AFAP1L2: variants seen among roughly 807,000 people sequenced by gnomAD.
AFAP1L2 encodes actin filament-associated protein 1-like 2.
In AFAP1L2, 46 loss-of-function variants were observed where a neutral mutation model predicts 99.3. The observed-to-expected ratio is 0.46, with a 90% CI of 0.37 to 0.59. The LOEUF (loss-of-function observed/expected upper bound fraction) is 0.59, where lower values mean the gene tolerates loss of function less well. AFAP1L2 is among the 20% of genes least tolerant of loss of function. The pLI is 0.00. For synonymous variants in AFAP1L2, 397 were observed against 419.1 expected (o/e 0.95, Z 0.64); for missense variants, 959 against 1,034.9 (o/e 0.93, Z 1.01).
At chr10:114,335,137 G>A (rs1420743918) in intron 2 of AFAP1L2, among the ~76,000 whole-genome samples, 2 of 152,188 alleles carry the variant, frequency 1.3e-5, no homozygotes, top group Non-Finnish European at 2.9e-5. Flanking sequence ...TTACTGAAGA[G>A]GGTATAAATT....
At chr10:114,383,382 G>A (rs2055989311) in intron 1 of AFAP1L2, among the ~76,000 whole-genome samples, 4 of 152,058 alleles carry the variant, frequency 2.6e-5, no homozygotes, top group Admixed American at 2.0e-4. Flanking sequence ...GAAGGGTGAA[G>A]GGAGGGAAGG....
rs1384975643 is a variant in AFAP1L2, at chr10:114,377,308, A to G, written c.16+27132T>C. 6.6e-6 allele frequency among the ~76,000 whole-genome samples: 1 copy of G among 152,234 alleles called. No individual in the cohort carries two copies. Among genetic ancestry groups the G allele is most frequent in the African/African-American group, 2.4e-5 (1 of 41,468 alleles). Reference sequence around the variant, plus strand: ...GAAATATTCTGCCTTAAAACCCTTCAGAGAGGCCAGTTCCAAGGCAAGAAT... The same window carrying G: ...GAAATATTCTGCCTTAAAACCCTTCGGAGAGGCCAGTTCCAAGGCAAGAAT... On this transcript the variant is annotated intron_variant, in intron 1 of 18. Transcript: ENST00000304129. This position sits in a 1 kb window ranked among gnomAD's most constrained non-coding sequence, Gnocchi z 4.0.
chr10:114,297,086 T>C lies in AFAP1L2; in HGVS notation c.2322A>G (p.Thr774=). The C allele has an allele frequency of 1.2e-6, 2 of 1,613,804 alleles. No individual in the cohort carries two copies. Among genetic ancestry groups the C allele is most frequent in the African/African-American group, 1.3e-5 (1 of 74,938 alleles). The change falls in exon 18 of 19, where the codon ACA becomes ACG. Residue 774 remains threonine, a synonymous_variant. Coordinates refer to ENST00000304129, the MANE Select transcript of AFAP1L2 (RefSeq NM_001001936.3). ...GGGTACAGTCTGGGGCAGAGGCAGG[T>C]GTGACAGCTTTGGGCTGTGGTTATA... The part of the protein sequence containing the change: ...ENVSPRPKAV[T]PASAPDCTPV...
At chr10:114,288,379 C>T in the AFAP1L2 span, among the ~76,000 whole-genome samples, 1 of 152,344 alleles carries the variant, frequency 6.6e-6, no homozygotes, top group East Asian at 1.9e-4. Flanking sequence ...CAGGCATGGG[C>T]CCATTTTGTC....
At chr10:114,312,015 G>C (rs943974340) in intron 7 of AFAP1L2, among the ~76,000 whole-genome samples, 1 of 152,172 alleles carries the variant, frequency 6.6e-6, no homozygotes, top group South Asian at 2.1e-4. Context: ...CTCTGCACTT[G>C]TCTGAGCTGG....
At chr10:114,374,980 G>T (rs1282157777) in intron 1 of AFAP1L2, among the ~76,000 whole-genome samples, 1 of 152,126 alleles carries the variant, frequency 6.6e-6, no homozygotes, top group East Asian at 1.9e-4. Flanking sequence ...TAAAGTGTCT[G>T]AGCTAACCTA....
At position 114,323,157 on chromosome 10, in the gene AFAP1L2, C is replaced by A; in HGVS notation, c.406+14G>T. 1 of 1,579,224 alleles carries A rather than the reference C, an allele frequency of 6.3e-7. No individual in the cohort carries two copies. Among genetic ancestry groups the A allele is most frequent in the South Asian group, 1.2e-5 (1 of 86,310 alleles). ...AGTAAGTCACCCTCCCAAGCCCCAG[C>A]CGCTGGGATGTACCATTGAGGGATG... On this transcript the variant is annotated intron_variant, in intron 5 of 18. Coordinates refer to ENST00000304129, the MANE Select transcript of AFAP1L2 (RefSeq NM_001001936.3).
At chr10:114,311,550 G>GC (rs1401243440) in intron 7 of AFAP1L2, among the ~76,000 whole-genome samples, 1 of 152,218 alleles carries the variant, frequency 6.6e-6, no homozygotes, top group Non-Finnish European at 1.5e-5. Context: ...CTCAGCCACT[G>GC]CATCTGTAAG....
chr10:114,302,411 T>C lies in AFAP1L2; in HGVS notation c.1358A>G (p.Glu453Gly). ...ATCCACATAGTCGTAGGTGAACTCT[T>C]CTGGGTCTGTCTTGGAGCCTGACTC... ...LSESGSKTDP[E>G]EFTYDYVDAD... The change falls in exon 12 of 19, where the codon GAA becomes GGA. Residue 453 changes from glutamate (E) to glycine (G), a missense_variant. Physicochemically the swap from Glu to Gly is moderately conservative, Grantham distance 98 (BLOSUM62 -2). Coordinates refer to ENST00000304129, the MANE Select transcript of AFAP1L2 (RefSeq NM_001001936.3). 6.2e-7 allele frequency: 1 copy of C among 1,614,174 alleles called. No individual in the cohort carries two copies. The highest frequency in any genetic ancestry group is 2.2e-5 in the East Asian group (1 of 44,886).
chr10:114,357,593 A>T (rs1262589856), intron 1 of AFAP1L2, among the ~76,000 whole-genome samples: 1 of 152,210 alleles, frequency 6.6e-6, no homozygotes, highest in Admixed American at 6.5e-5. Context: ...AGTAGTGAGT[A>T]TCGGCTCTCT....
chr10:114,367,404 AC>A (rs1243408938), intron 1 of AFAP1L2, among the ~76,000 whole-genome samples: 1 of 152,090 alleles, frequency 6.6e-6, no homozygotes, highest in African/African-American at 2.4e-5. Context: ...GGGAAATATT[AC>A]CCAGGGATTT....
intron 4 of AFAP1L2, among the ~76,000 whole-genome samples, chr10:114,329,034 T>C (rs1247140826): frequency 1.3e-5 from 2 of 152,226 alleles, no homozygotes; most frequent in Non-Finnish European, 2.9e-5. Flanking sequence ...GTCAGCTGGC[T>C]TTGCTAGAAG....
At chr10:114,360,509 T>TAGATAGATAGATAGATAGTTAGATAGA (rs61366681) in intron 1 of AFAP1L2, among the ~76,000 whole-genome samples, 55 of 107,414 alleles carry the variant, frequency 5.1e-4, no homozygotes, top group East Asian at 1.1e-3. Flanking sequence ...AGATAGATAG[T>TAGATAGATAGATAGATAGTTAGATAGA]TAGATAGATA....
chr10:114,381,251 C>T (rs999927422), intron 1 of AFAP1L2, among the ~76,000 whole-genome samples: 1 of 152,106 alleles, frequency 6.6e-6, no homozygotes, highest in Non-Finnish European at 1.5e-5. Context: ...ACCTTGAAAA[C>T]ATTATGCCAA....
chr10:114,395,013 G>A (rs938319889), intron 1 of AFAP1L2, among the ~76,000 whole-genome samples: 1 of 152,086 alleles, frequency 6.6e-6, no homozygotes, highest in African/African-American at 2.4e-5. Flanking sequence ...TCAACGGTAG[G>A]GACCCCATCT....
intron 2 of AFAP1L2, among the ~76,000 whole-genome samples, chr10:114,338,545 C>A (rs2048324571): frequency 1.3e-5 from 2 of 152,150 alleles, no homozygotes; most frequent in South Asian, 4.1e-4. Context: ...AAATGGCCAT[C>A]AGTAAGTGAA....
intron 1 of AFAP1L2, among the ~76,000 whole-genome samples, chr10:114,383,284 T>C (rs1002674915): frequency 6.7e-6 from 1 of 150,260 alleles, no homozygotes; most frequent in Non-Finnish European, 1.5e-5. Flanking sequence ...CTTATTACCA[T>C]AGGGGTTGGA....
intron 1 of AFAP1L2, among the ~76,000 whole-genome samples, chr10:114,396,154 C>A (rs942736466): frequency 3.9e-5 from 6 of 152,268 alleles, no homozygotes; most frequent in South Asian, 2.1e-4. Context: ...AACATGACCT[C>A]AGCCCATGTA....
At chr10:114,330,477 G>C (rs1180291418) in intron 4 of AFAP1L2, among the ~76,000 whole-genome samples, 1 of 152,176 alleles carries the variant, frequency 6.6e-6, no homozygotes, top group Non-Finnish European at 1.5e-5. Flanking sequence ...TGTGACATTA[G>C]GTTTCCTCAC....
Sources: gnomAD v4.1 joint callset for allele counts (sites outside exome capture counted in the v4.1 genomes callset) on GRCh38, gnomAD v4.1.1 for gene constraint, Gnocchi (gnomAD v3.1) non-coding constraint, MANE v1.5 for transcripts, NCBI Gene and HGNC (gene_info 2026-07-23, HGNC 2026-07-21) for gene names.